Variants in PRKCH observed in about 807,000 individuals in gnomAD.
PRKCH encodes the protein protein kinase C eta, also known as protein kinase C eta type.
In PRKCH, 28 loss-of-function variants were observed where a neutral mutation model predicts 82.5. The observed-to-expected ratio is 0.34, with a 90% CI of 0.25 to 0.47. The LOEUF (loss-of-function observed/expected upper bound fraction) is 0.47, where lower values mean the gene tolerates loss of function less well. Ranked by LOEUF, PRKCH falls within the 20% of genes least tolerant of loss-of-function variation. PRKCH has a pLI of 1.00. For missense variants in PRKCH, 705 were observed against 881.8 expected (o/e 0.80, Z 2.54); for synonymous variants, 322 against 327.4 (o/e 0.98, Z 0.18).
intron 1 of PRKCH, among the ~76,000 whole-genome samples, chr14:61,348,300 G>A (rs188182076): frequency 3.9e-5 from 6 of 152,234 alleles, no homozygotes; most frequent in Middle Eastern, 3.4e-3. Flanking sequence ...ATGCTCTGGG[G>A]GTGTGTGGCC....
chr14:61,289,431 G>C (rs1016092047), intron 1 of PRKCH, among the ~76,000 whole-genome samples: 1 of 152,230 alleles, frequency 6.6e-6, no homozygotes, highest in African/African-American at 2.4e-5. Context: ...CCAAGGCCAG[G>C]TGCAGTGGCT....
intron 1 of PRKCH, among the ~76,000 whole-genome samples, chr14:61,249,400 T>A (rs1318268110): frequency 6.6e-6 from 1 of 152,028 alleles, no homozygotes; most frequent in Non-Finnish European, 1.5e-5. Context: ...AGAAGGTGTC[T>A]GTTTTGTACA....
intron 1 of PRKCH, among the ~76,000 whole-genome samples, chr14:61,233,016 G>A (rs969593163): frequency 5.9e-5 from 9 of 152,114 alleles, no homozygotes; most frequent in African/African-American, 1.9e-4. Flanking sequence ...TTCAGACACC[G>A]ATCTCTTACA....
At chr14:61,355,709 G>A (rs759056959) in intron 1 of PRKCH, among the ~76,000 whole-genome samples, 24 of 152,050 alleles carry the variant, frequency 1.6e-4, no homozygotes, top group Middle Eastern at 6.3e-3. Context: ...GTTGCTTCAC[G>A]GGTGGCTTCT....
chr14:61,322,072 G>C lies in PRKCH; in HGVS notation c.-30G>C. The C allele has an allele frequency of 1.3e-6, 2 of 1,509,612 alleles. No homozygotes were observed. The highest frequency in any genetic ancestry group is 1.8e-6 in the Non-Finnish European group (2 of 1,123,498). The allele number at this position is 1,509,612 out of a possible 1,614,324, so 93.5% of individuals were successfully genotyped here. A position where few individuals can be genotyped will look rare whatever the true frequency, so the allele number is the denominator to read the frequency against. Reference sequence around the variant, plus strand: ...GGTTCTCCCGCTGCGAAGCAGCGCGGCCCCCCGGGGCCGGGGCAGCGGCGC... The same window carrying C: ...GGTTCTCCCGCTGCGAAGCAGCGCGCCCCCCCGGGGCCGGGGCAGCGGCGC... On this transcript the variant is annotated 5_prime_UTR_variant, in exon 1 of 14. Coordinates refer to ENST00000332981, the MANE Select transcript of PRKCH (RefSeq NM_006255.5).
chr14:61,549,884 T>G lies in PRKCH; in HGVS notation c.*53T>G, dbSNP rs2043305828. ...GAGAACCCAAAGGGAATAGAGATTC[T>G]CCAGGAATTTCCTCTATGGGACCTT... On this transcript the variant is annotated 3_prime_UTR_variant, in exon 14 of 14. Coordinates refer to ENST00000332981, the MANE Select transcript of PRKCH (RefSeq NM_006255.5). 1.9e-6 allele frequency: 3 copies of G among 1,571,936 alleles called. No homozygotes were observed. The highest frequency in any genetic ancestry group is 2.6e-6 in the Non-Finnish European group (3 of 1,157,574).
At chr14:61,208,090 GT>G (rs2044541981) in intron 1 of PRKCH, among the ~76,000 whole-genome samples, 2 of 151,696 alleles carry the variant, frequency 1.3e-5, no homozygotes, top group African/African-American at 4.8e-5. Flanking sequence ...TTTTTGAAAT[GT>G]CCCTTCTTTG....
chr14:61,262,219 T>TAAAAAA (rs1297799647), intron 1 of PRKCH, among the ~76,000 whole-genome samples: 67 of 106,558 alleles, frequency 6.3e-4, no homozygotes, highest in Middle Eastern at 4.9e-3. Context: ...AGACTCTGTA[T>TAAAAAA]AAAAAAAAAA....
At chr14:61,243,401 AAG>A (rs2044856954) in intron 1 of PRKCH, among the ~76,000 whole-genome samples, 1 of 148,494 alleles carries the variant, frequency 6.7e-6, no homozygotes, top group Non-Finnish European at 1.5e-5. Context: ...AAAAAAAAAA[AAG>A]AAAAAGAAAA....
rs577141718 is a variant in PRKCH, at chr14:61,357,580, G to A, written c.364-33645G>A. Among the ~76,000 whole-genome samples the A allele has an allele frequency of 7.2e-5, 11 of 152,138 alleles. No homozygotes were observed. The South Asian group carries it at 2.1e-3, about 29-fold the overall frequency. On this transcript the variant is annotated intron_variant, in intron 1 of 13. Coordinates refer to ENST00000332981, the MANE Select transcript of PRKCH (RefSeq NM_006255.5). ...TCCTTGGCTGTCAAATGTTCTCTGC[G>A]TTTTCCATTTTTGTGCTTCTCGTAC...
At chr14:61,371,322 T>G (rs2046362072) in intron 1 of PRKCH, among the ~76,000 whole-genome samples, 1 of 152,064 alleles carries the variant, frequency 6.6e-6, no homozygotes, top group Non-Finnish European at 1.5e-5. Context: ...TTATTACTAA[T>G]TAAACTTCAT....
intron 1 of PRKCH, among the ~76,000 whole-genome samples, chr14:61,366,729 C>A (rs761145935): frequency 6.6e-6 from 1 of 152,082 alleles, no homozygotes. Context: ...TTTCATACAG[C>A]CAGTGGCTCT....
rs188681130 is a variant in PRKCH at position 61,390,275 on chromosome 14, G to A, written c.364-950G>A. On this transcript the variant is annotated intron_variant, in intron 1 of 13. Transcript: ENST00000332981. The stretch of plus-strand genomic sequence containing the variant: ...GGAAACTGGACTATATGCAGAGGAC[G>A]ACACCATATGAAAAGACTTCAAGCT... Among the ~76,000 whole-genome samples, 244 of 152,300 alleles carry A rather than the reference G, an allele frequency of 1.6e-3. 1 individual carries two copies. The highest frequency in any genetic ancestry group is 5.4e-3 in the African/African-American group (225 of 41,558).
At chr14:61,435,892 A>C (rs1883656016) in intron 2 of PRKCH, among the ~76,000 whole-genome samples, 1 of 152,210 alleles carries the variant, frequency 6.6e-6, no homozygotes, top group African/African-American at 2.4e-5. Flanking sequence ...AGTGAAGGAG[A>C]CTAAGAAAGA....
intron 1 of PRKCH, among the ~76,000 whole-genome samples, chr14:61,246,517 C>T (rs2044884661): frequency 6.6e-6 from 1 of 152,038 alleles, no homozygotes; most frequent in South Asian, 2.1e-4. Context: ...AATTTCTATT[C>T]CTCTGGCCTT....
At chr14:61,480,950 A>G (rs1594750588) in intron 9 of PRKCH, among the ~76,000 whole-genome samples, 1 of 151,762 alleles carries the variant, frequency 6.6e-6, no homozygotes, top group Admixed American at 6.6e-5. Flanking sequence ...TGACTTGCAT[A>G]CCCTCATCCT....
rs115226880 is a variant in PRKCH, at chr14:61,521,326, T to C, written c.1434-7749T>C. ...CTTCATAAAAATTTGGCAGCTTTCA[T>C]AAGATTCTGTCATAGAAATACCATT... On this transcript the variant is annotated intron_variant, in intron 10 of 13. Coordinates refer to ENST00000332981, the MANE Select transcript of PRKCH (RefSeq NM_006255.5). Among the ~76,000 whole-genome samples, 464 of 152,298 alleles carry C rather than the reference T, an allele frequency of 3.0e-3. 2 individuals carry two copies. Among genetic ancestry groups the C allele is most frequent in the African/African-American group, 0.011 (450 of 41,580 alleles).
At chr14:61,273,942 G>A (rs1188886149) in intron 1 of PRKCH, among the ~76,000 whole-genome samples, 1 of 152,162 alleles carries the variant, frequency 6.6e-6, no homozygotes, top group African/African-American at 2.4e-5. Context: ...TATGGTACTT[G>A]GCACTGGCAA....
chr14:61,550,065 G>A lies in PRKCH; in HGVS notation c.*234G>A, dbSNP rs1253195493. ...GAAATGAGATTTTATGAAGTATACC[G>A]CTCCACCTATGAGCGTCTGTCTCTG... On this transcript the variant is annotated 3_prime_UTR_variant, in exon 14 of 14. Coordinates refer to ENST00000332981, the MANE Select transcript of PRKCH (RefSeq NM_006255.5). 3 of 455,038 alleles carry A rather than the reference G, an allele frequency of 6.6e-6. No homozygotes were observed. In the East Asian group the frequency reaches 1.0e-4, roughly 16 times the overall value. 28.2% of individuals were successfully genotyped at this position (455,038 alleles called of 1,614,324 possible).
Sources: gnomAD v4.1 joint callset for allele counts (sites outside exome capture counted in the v4.1 genomes callset) on GRCh38, gnomAD v4.1.1 for gene constraint, MANE v1.5 for transcripts, NCBI Gene and HGNC (gene_info 2026-07-23, HGNC 2026-07-21) for gene names.